The following ERI1 variants were observed in gnomAD, a reference collection of about 807,000 sequenced individuals.
The protein encoded by ERI1 is 3'-5' exoribonuclease 1.
A neutral mutation model predicts 39.7 loss-of-function variants in ERI1; 39 were observed. That is an observed-to-expected ratio of 0.98 (90% confidence interval 0.76 to 1.28). The LOEUF (loss-of-function observed/expected upper bound fraction) is 1.28. ERI1 is among the 50% of genes most tolerant of loss of function. The pLI is 0.00. For synonymous variants in ERI1, 204 were observed against 149.6 expected, an observed-to-expected ratio of 1.36 and a Z score of -2.65; for missense variants, 581 against 416.9, an observed-to-expected ratio of 1.39 and a Z score of -3.43.
At chr8:9,041,796 G>A (rs1295761769) in intron 3 of ERI1, among the ~76,000 whole-genome samples, 1 of 152,166 alleles carries the variant, frequency 6.6e-6, no homozygotes, top group Non-Finnish European at 1.5e-5. Flanking sequence ...GTGCAGTGGC[G>A]TGATCTCGGC....
At chr8:9,065,250 C>T (rs1798837644) in intron 3 of ERI1, among the ~76,000 whole-genome samples, 1 of 152,138 alleles carries the variant, frequency 6.6e-6, no homozygotes. Flanking sequence ...CTGGAATGCT[C>T]AGAATAAGAT....
chr8:9,070,015 G>T (rs1798998202), intron 3 of ERI1, among the ~76,000 whole-genome samples: 1 of 152,084 alleles, frequency 6.6e-6, no homozygotes, highest in Non-Finnish European at 1.5e-5. Flanking sequence ...GAGGTGGGCG[G>T]ATCACCTGAG....
At chr8:9,004,321 C>A (rs1815722147) in intron 1 of ERI1, 1 of 1,090,408 alleles carries the variant, frequency 9.2e-7, no homozygotes, top group Non-Finnish European at 1.1e-6. Context: ...AAATAAATTT[C>A]GAAGTTTATT....
chr8:9,061,208 G>A (rs562285261), intron 3 of ERI1, among the ~76,000 whole-genome samples: 6 of 152,256 alleles, frequency 3.9e-5, no homozygotes, highest in Non-Finnish European at 7.4e-5. Context: ...AAATGTGATC[G>A]GGGTGAGGAG....
At chr8:9,087,436 G>T (rs6984687) in intron 3 of ERI1, among the ~76,000 whole-genome samples, 33,039 of 107,802 alleles carry the variant, frequency 0.31, 7,062 homozygotes, top group African/African-American at 0.36. Flanking sequence ...TTTTTTTTTT[G>T]ATTTTTAGTA....
At position 9,020,641 on chromosome 8, in the gene ERI1, C is replaced by T. The variant is rs531646576; in HGVS notation, c.807+177C>T. Among the ~76,000 whole-genome samples, 128 of 152,246 alleles carry T rather than the reference C, an allele frequency of 8.4e-4. 2 individuals are homozygous for T. The South Asian group carries it at 0.026, about 31-fold the overall frequency. On this transcript the variant is annotated intron_variant, in intron 6 of 6. Transcript: ENST00000250263. ...AAATTAGATAAGCCTTTTTCTCATT[C>T]AACCTGTTAACTTTATTTAAGTAGG...
chr8:9,094,981 G>A (rs191094531), intron 3 of ERI1, among the ~76,000 whole-genome samples: 2 of 152,018 alleles, frequency 1.3e-5, no homozygotes, highest in African/African-American at 4.8e-5. Flanking sequence ...AACCATTATG[G>A]CACAAAGGAA....
chr8:9,098,914 A>T lies in ERI1; in HGVS notation n.300-17434A>T, dbSNP rs548687993. ...AGTGGTGCAAGCTCGGCTCACTGCA[A>T]CCTCTGCCTCCCAAGCTCAAATGAT... On this transcript the variant is annotated intron_variant and non_coding_transcript_variant, in intron 3 of 3. Transcript: ENST00000518663. 1.0e-3 allele frequency among the ~76,000 whole-genome samples: 153 copies of T among 152,018 alleles called. 1 individual carries two copies. The highest frequency in any genetic ancestry group is 3.6e-3 in the African/African-American group (151 of 41,478).
At chr8:9,044,529 A>C (rs1265861271) in intron 3 of ERI1, among the ~76,000 whole-genome samples, 1 of 152,112 alleles carries the variant, frequency 6.6e-6, no homozygotes, top group Non-Finnish European at 1.5e-5. Flanking sequence ...GATGATGGAG[A>C]AATAATTACA....
chr8:9,003,050 G>A lies in ERI1; in HGVS notation c.-14G>A, dbSNP rs749684230. On this transcript the variant is annotated 5_prime_UTR_variant, in exon 1 of 7. Transcript: ENST00000250263. ...GTCCGGCTCCAGCAACTCTCCTCTG[G>A]CGTGACAGCCGGCATGGAGGATCCA... 8.0e-7 allele frequency: 1 copy of A among 1,244,380 alleles called. No individual in the cohort carries two copies. Among genetic ancestry groups the A allele is most frequent in the Non-Finnish European group, 1.0e-6 (1 of 985,418 alleles). 77.1% of individuals were successfully genotyped at this position (1,244,380 alleles called of 1,614,324 possible).
At position 9,002,961 on chromosome 8, in the gene ERI1, C is replaced by G. The variant is rs1225457742; in HGVS notation, c.-103C>G. The G allele has an allele frequency of 3.6e-6, 3 of 844,740 alleles. No homozygotes were observed. The highest frequency in any genetic ancestry group is 3.5e-5 in the African/African-American group (2 of 57,182). 52.3% of individuals were successfully genotyped at this position (844,740 alleles called of 1,614,324 possible). On this transcript the variant is annotated 5_prime_UTR_variant, in exon 1 of 7. Transcript: ENST00000250263. ...GTGGCCGCCGCCGCGGGAACGCGAG[C>G]CCGGTAATTTTTCAACGGAGAAAGG...
intron 3 of ERI1, among the ~76,000 whole-genome samples, chr8:9,065,369 T>A (rs547647347): frequency 6.6e-6 from 1 of 152,274 alleles, no homozygotes; most frequent in Non-Finnish European, 1.5e-5. Context: ...GGATGCTCAG[T>A]AGGCTGGTTT....
chr8:9,045,446 A>G (rs1478290901), intron 3 of ERI1, among the ~76,000 whole-genome samples: 1 of 151,790 alleles, frequency 6.6e-6, no homozygotes, highest in East Asian at 2.0e-4. Context: ...GGCTCTCATT[A>G]GACTTTAGTA....
chr8:9,013,877 A>C (rs1428789883), intron 3 of ERI1, among the ~76,000 whole-genome samples: 4 of 152,102 alleles, frequency 2.6e-5, no homozygotes, highest in Admixed American at 2.6e-4. Flanking sequence ...ATATATCCAG[A>C]ACCCAGTCAC....
chr8:9,070,627 A>T (rs572631329), intron 3 of ERI1, among the ~76,000 whole-genome samples: 1 of 152,348 alleles, frequency 6.6e-6, no homozygotes, highest in South Asian at 2.1e-4. Flanking sequence ...GAACATTCCT[A>T]ATGAACACAC....
chr8:9,093,824 G>A (rs944224017), intron 3 of ERI1, among the ~76,000 whole-genome samples: 8 of 152,022 alleles, frequency 5.3e-5, no homozygotes, highest in Admixed American at 2.0e-4. Flanking sequence ...CGATCCACTC[G>A]CCTCGGCCTC....
chr8:9,057,218 C>T (rs1798536964), intron 3 of ERI1, among the ~76,000 whole-genome samples: 1 of 152,140 alleles, frequency 6.6e-6, no homozygotes, highest in African/African-American at 2.4e-5. Flanking sequence ...AATCACTGCT[C>T]ACTGCAGCCT....
chr8:9,025,350 A>G (rs1308293872), intron 6 of ERI1, among the ~76,000 whole-genome samples: 1 of 152,348 alleles, frequency 6.6e-6, no homozygotes, highest in Admixed American at 6.5e-5. Context: ...TACCTTTGAA[A>G]TGCAAGAATC....
downstream of ERI1, among the ~76,000 whole-genome samples, chr8:9,037,264 C>G (rs1361834867): frequency 6.6e-6 from 1 of 152,174 alleles, no homozygotes; most frequent in Non-Finnish European, 1.5e-5. Flanking sequence ...ACTCCCCTCA[C>G]CATCACACTC....
Sources: gnomAD v4.1 joint callset for allele counts (sites outside exome capture counted in the v4.1 genomes callset) on GRCh38, gnomAD v4.1.1 for gene constraint, MANE v1.5 for transcripts, NCBI Gene and HGNC (gene_info 2026-07-23, HGNC 2026-07-21) for gene names.